The following PTPN1 variants were observed in gnomAD, a reference collection of about 807,000 sequenced individuals.
The protein encoded by PTPN1 is protein tyrosine phosphatase non-receptor type 1, also known as tyrosine-protein phosphatase non-receptor type 1.
PTPN1 carries 12 observed loss-of-function variants against 59.9 expected under a neutral mutation model. The observed-to-expected ratio is 0.20, with a 90% CI of 0.13 to 0.32. The LOEUF is 0.32. Ranked by LOEUF, PTPN1 falls within the 10% of genes least tolerant of loss-of-function variation. PTPN1 has a pLI of 1.00. For missense variants in PTPN1, 356 were observed against 549.2 expected (o/e 0.65, Z 3.52); for synonymous variants, 178 against 203.6 (o/e 0.87, Z 1.07).
Position 50,568,352 on chromosome 20 carries a change from C to T in PTPN1, c.256-28C>T, listed in dbSNP as rs1568792980. 1.3e-6 allele frequency: 2 copies of T among 1,590,434 alleles called. No homozygotes were observed. The highest frequency in any genetic ancestry group is 2.2e-5 in the South Asian group (2 of 90,548). On this transcript the variant is annotated intron_variant, in intron 3 of 9. Transcript: ENST00000371621. This position sits in a 1 kb window ranked among gnomAD's most constrained non-coding sequence, Gnocchi z 5.6. ...CTGTAGCATGTTATGTTTCAGATGT[C>T]ACATGTTGTGTTATTGTGTCTTTGC...
At chr20:50,521,817 T>C (rs2082552834) in intron 1 of PTPN1, among the ~76,000 whole-genome samples, 1 of 152,230 alleles carries the variant, frequency 6.6e-6, no homozygotes, top group Admixed American at 6.5e-5. Context: ...AATCACACCG[T>C]CTGAGCTTAC....
chr20:50,574,456 C>A (rs2082826206), intron 4 of PTPN1, 61 bp from the exon 5 acceptor site: 4 of 1,487,982 alleles, frequency 2.7e-6, no homozygotes, highest in Non-Finnish European at 3.6e-6. Context: ...TGCTCCAAGC[C>A]TCCTGCCATA....
At chr20:50,533,873 C>A (rs774654085) in intron 1 of PTPN1, among the ~76,000 whole-genome samples, 1 of 151,874 alleles carries the variant, frequency 6.6e-6, no homozygotes, top group Non-Finnish European at 1.5e-5. Flanking sequence ...TTTTTTTTCT[C>A]CTTAATAGTT....
intron 1 of PTPN1, among the ~76,000 whole-genome samples, chr20:50,543,380 C>T (rs745626793): frequency 6.6e-6 from 1 of 152,136 alleles, no homozygotes; most frequent in Non-Finnish European, 1.5e-5. Context: ...TAAATAGTTG[C>T]AAAGAATGAA....
Position 50,578,433 on chromosome 20 carries a change from G to A in PTPN1, c.506G>A (p.Arg169Gln), listed in dbSNP as rs765072009. The A allele has an allele frequency of 5.0e-6, 8 of 1,613,668 alleles. No individual in the cohort carries two copies. The highest frequency in any genetic ancestry group is 2.2e-5 in the East Asian group (1 of 44,878). ...ELENLTTQETREILHFHYTTW... is the reference protein window; with the variant it reads ...ELENLTTQETQEILHFHYTTW... ...TTTCTCTTTCAGACCCAAGAAACTC[G>A]AGAGATCTTACATTTCCACTATACC... Residue 169 changes from arginine (R) to glutamine (Q), a missense_variant, in exon 6 of 10, where the codon CGA becomes CAA. Arg to Gln is a conservative substitution (Grantham distance 43, BLOSUM62 1). This residue lies in a region of PTPN1 where 194 missense variants were observed against 344.2 expected (regional missense o/e 0.56). Transcript: ENST00000371621.
At chr20:50,544,494 G>A (rs1451589686) in intron 1 of PTPN1, among the ~76,000 whole-genome samples, 1 of 152,148 alleles carries the variant, frequency 6.6e-6, no homozygotes, top group Admixed American at 6.5e-5. Context: ...TTGGAAAAGT[G>A]ATTTCCAATA....
At chr20:50,519,771 A>C (rs1397771330) in intron 1 of PTPN1, among the ~76,000 whole-genome samples, 1 of 152,160 alleles carries the variant, frequency 6.6e-6, no homozygotes, top group Non-Finnish European at 1.5e-5. Context: ...AGAAGGAGGA[A>C]AGGTATAGCG....
intron 1 of PTPN1, among the ~76,000 whole-genome samples, chr20:50,533,858 G>A (rs537617129): frequency 7.2e-5 from 11 of 152,258 alleles, no homozygotes; most frequent in African/African-American, 1.7e-4. Flanking sequence ...GGAAGCTTCC[G>A]TGATTTTTTT....
chr20:50,536,248 G>C (rs2082623653), intron 1 of PTPN1, among the ~76,000 whole-genome samples: 1 of 152,164 alleles, frequency 6.6e-6, no homozygotes, highest in Non-Finnish European at 1.5e-5. Flanking sequence ...TTCCCTATAA[G>C]GCAGTGTGAT....
intron 5 of PTPN1, among the ~76,000 whole-genome samples, chr20:50,575,913 C>G (rs1281776986): frequency 6.6e-6 from 1 of 152,060 alleles, no homozygotes; most frequent in African/African-American, 2.4e-5. Context: ...GGTGACAGAG[C>G]AAGACCCTGT....
chr20:50,561,282 G>A (rs1049408776), intron 1 of PTPN1, 81 bp from the exon 2 acceptor site: 8 of 1,072,410 alleles, frequency 7.5e-6, no homozygotes, highest in East Asian at 2.4e-5. Flanking sequence ...CATATTGCCC[G>A]GCTCTCTTTG....
At chr20:50,529,002 T>C (rs2082589539) in intron 1 of PTPN1, among the ~76,000 whole-genome samples, 1 of 152,186 alleles carries the variant, frequency 6.6e-6, no homozygotes, top group South Asian at 2.1e-4. Flanking sequence ...GAGAACTGTG[T>C]GTAATGCTTG....
rs554090684 is a variant in PTPN1 at position 50,560,712 on chromosome 20, C to T, written c.64-651C>T. ...AGTTCAGTGGCAGTAAGTACATTCA[C>T]GTTGTGTGTATTTGTTTTTTTAGTA... On this transcript the variant is annotated intron_variant, in intron 1 of 9. Transcript: ENST00000371621. 1.4e-3 allele frequency among the ~76,000 whole-genome samples: 216 copies of T among 151,236 alleles called. 1 individual carries two copies. The highest frequency in any genetic ancestry group is 5.1e-3 in the African/African-American group (208 of 41,158).
intron 1 of PTPN1, among the ~76,000 whole-genome samples, chr20:50,554,518 A>G (rs1450236703): frequency 6.6e-6 from 1 of 152,232 alleles, no homozygotes; most frequent in Non-Finnish European, 1.5e-5. Flanking sequence ...GAGAAATGAT[A>G]AAAGATGGAA....
intron 1 of PTPN1, among the ~76,000 whole-genome samples, chr20:50,555,869 G>A (rs1401513322): frequency 6.6e-6 from 1 of 152,092 alleles, no homozygotes; most frequent in Non-Finnish European, 1.5e-5. Context: ...CGTTAGCTGA[G>A]TGGTTTATCT....
At chr20:50,525,038 T>G (rs916499225) in intron 1 of PTPN1, among the ~76,000 whole-genome samples, 3 of 152,178 alleles carry the variant, frequency 2.0e-5, no homozygotes, top group African/African-American at 7.2e-5. Flanking sequence ...AGATTACAGA[T>G]TCTGATATTT....
chr20:50,562,627 A>G (rs542615923), intron 2 of PTPN1, among the ~76,000 whole-genome samples: 1 of 152,360 alleles, frequency 6.6e-6, no homozygotes, highest in South Asian at 2.1e-4. Flanking sequence ...GGTTGTCACC[A>G]ACATCTGAAG....
At position 50,510,431 on chromosome 20, in the gene PTPN1, A is replaced by C. The variant is rs2082500650; in HGVS notation, c.-97A>C. ...GCGGCGGTAGCTGCAGGGGTCGGGGATTGCAGCGGGCCTCGGGGCTAAGAG... is the reference window on the plus strand; with the variant it reads ...GCGGCGGTAGCTGCAGGGGTCGGGGCTTGCAGCGGGCCTCGGGGCTAAGAG... On this transcript the variant is annotated 5_prime_UTR_variant, in exon 1 of 10. Transcript: ENST00000371621. 7.4e-7 allele frequency: 1 copy of C among 1,357,702 alleles called. No homozygotes were observed. 84.1% of individuals were successfully genotyped at this position (1,357,702 alleles called of 1,614,324 possible).
intron 1 of PTPN1, among the ~76,000 whole-genome samples, chr20:50,559,871 T>C (rs1369561227): frequency 1.3e-5 from 2 of 151,898 alleles, no homozygotes; most frequent in South Asian, 2.1e-4. Context: ...TTTTTTTTTT[T>C]TTCTGGTTTT....
Sources: gnomAD v4.1 joint callset for allele counts (sites outside exome capture counted in the v4.1 genomes callset) on GRCh38, gnomAD v4.1.1 for gene constraint, gnomAD v4.1.1 regional missense constraint, Gnocchi (gnomAD v3.1) non-coding constraint, MANE v1.5 for transcripts, NCBI Gene and HGNC (gene_info 2026-07-23, HGNC 2026-07-21) for gene names.